The following LHCGR variants were observed in gnomAD, a reference collection of about 807,000 sequenced individuals.
LHCGR encodes lutropin-choriogonadotropic hormone receptor.
Under a neutral mutation model 60.7 loss-of-function variants are expected in LHCGR, and 55 were observed. The observed-to-expected ratio is 0.91, with a 90% CI of 0.73 to 1.13. LHCGR has a LOEUF of 1.13. Ranked by LOEUF, LHCGR falls within the 50% of genes most tolerant of loss-of-function variation. The pLI is 0.00. For missense variants in LHCGR, 862 were observed against 836.0 expected (o/e 1.03, Z -0.38); for synonymous variants, 337 against 316.5 (o/e 1.06, Z -0.69).
chr2:48,708,548 CCA>C (rs5831001), intron 8 of LHCGR, among the ~76,000 whole-genome samples: 16,376 of 150,244 alleles, frequency 0.11, 1,085 homozygotes, highest in East Asian at 0.25. Flanking sequence ...AGATACCCAC[CCA>C]CACACACACA....
chr2:48,728,690 C>A (rs778428269), intron 3 of LHCGR, among the ~76,000 whole-genome samples: 2 of 152,112 alleles, frequency 1.3e-5, no homozygotes, highest in African/African-American at 2.4e-5. Context: ...ACAATAACAA[C>A]AACAAAACCC....
Position 48,721,304 on chromosome 2 carries a change from C to A in LHCGR, c.536+2152G>T, listed in dbSNP as rs113671233. ...CATGATGAATGAGTAGTTCCAGATC[C>A]ATTATGCAATGGTGAGTTGAAAACA... On this transcript the variant is annotated intron_variant, in intron 6 of 10. Coordinates refer to ENST00000294954, the MANE Select transcript of LHCGR (RefSeq NM_000233.4). 187 of 166,964 alleles carry A rather than the reference C, an allele frequency of 1.1e-3. 2 individuals are homozygous for A. Among genetic ancestry groups the A allele is most frequent in the African/African-American group, 4.4e-3 (185 of 41,946 alleles). 10.3% of individuals were successfully genotyped at this position (166,964 alleles called of 1,614,324 possible).
chr2:48,737,477 T>C (rs1358384655), intron 1 of LHCGR, among the ~76,000 whole-genome samples: 1 of 152,264 alleles, frequency 6.6e-6, no homozygotes, highest in South Asian at 2.1e-4. Context: ...AAGTTCTGTG[T>C]TCTTTTCAAA....
At chr2:48,734,849 A>G (rs1003928510) in intron 1 of LHCGR, among the ~76,000 whole-genome samples, 4 of 152,220 alleles carry the variant, frequency 2.6e-5, no homozygotes, top group Non-Finnish European at 5.9e-5. Flanking sequence ...AGGGTGATAC[A>G]CCACAACTAT....
intron 6 of LHCGR, chr2:48,721,519 A>G (rs1668494537): frequency 3.1e-6 from 1 of 320,714 alleles, no homozygotes; most frequent in South Asian, 2.8e-5. Context: ...TTAATCTGAG[A>G]TGAAGCTACA....
At chr2:48,741,950 T>C (rs1031558591) in intron 1 of LHCGR, among the ~76,000 whole-genome samples, 1 of 152,082 alleles carries the variant, frequency 6.6e-6, no homozygotes, top group African/African-American at 2.4e-5. Context: ...GAAACCCATG[T>C]CACGTGCAGA....
At chr2:48,708,086 A>C (rs1667784732) in intron 8 of LHCGR, among the ~76,000 whole-genome samples, 1 of 152,196 alleles carries the variant, frequency 6.6e-6, no homozygotes, top group African/African-American at 2.4e-5. Flanking sequence ...TTGGAAATGC[A>C]GAAATCACCC....
At chr2:48,706,977 G>T (rs1572840731) in intron 8 of LHCGR, among the ~76,000 whole-genome samples, 3 of 152,232 alleles carry the variant, frequency 2.0e-5, no homozygotes, top group African/African-American at 7.2e-5. Context: ...CGATGTTCTG[G>T]TTTTTGGAAT....
chr2:48,734,318 C>G (rs920556039), intron 1 of LHCGR, among the ~76,000 whole-genome samples: 4 of 152,176 alleles, frequency 2.6e-5, no homozygotes, highest in African/African-American at 9.7e-5. Context: ...AGACATTAAC[C>G]TCCTCCTGCA....
At chr2:48,701,671 T>G (rs1558824557) in intron 8 of LHCGR, among the ~76,000 whole-genome samples, 1 of 152,130 alleles carries the variant, frequency 6.6e-6, no homozygotes, top group Non-Finnish European at 1.5e-5. Flanking sequence ...TTTGGACAAC[T>G]ACATATTTTA....
chr2:48,717,833 C>CTTTTTTTTTTT (rs10711529), intron 6 of LHCGR, among the ~76,000 whole-genome samples: 1 of 68,976 alleles, frequency 1.4e-5, no homozygotes, highest in Non-Finnish European at 2.7e-5. Context: ...TTTTCCATGT[C>CTTTTTTTTTTT]TTTTTTTTTT....
intron 1 of LHCGR, among the ~76,000 whole-genome samples, chr2:48,742,649 A>T (rs532766438): frequency 3.1e-4 from 47 of 152,100 alleles, no homozygotes; most frequent in Non-Finnish European, 5.6e-4. Flanking sequence ...ACCAACGAGA[A>T]CAAAGACACA....
chr2:48,726,803 T>C, intron 3 of LHCGR, among the ~76,000 whole-genome samples: 1 of 152,324 alleles, frequency 6.6e-6, no homozygotes, highest in East Asian at 1.9e-4. Context: ...GAGGAATAAA[T>C]ATATGTGTCT....
chr2:48,752,419 C>G (rs1350183354), intron 1 of LHCGR, among the ~76,000 whole-genome samples: 1 of 152,180 alleles, frequency 6.6e-6, no homozygotes, highest in African/African-American at 2.4e-5. Flanking sequence ...CTCCTCCAAC[C>G]CTGAGAACTT....
chr2:48,717,672 C>A (rs1332244019), intron 6 of LHCGR, among the ~76,000 whole-genome samples: 4 of 151,950 alleles, frequency 2.6e-5, no homozygotes, highest in Non-Finnish European at 5.9e-5. Flanking sequence ...ATTGCACTAT[C>A]ATCCTTCTCC....
At chr2:48,689,124 CACATATAT>C (rs1680070982) in intron 10 of LHCGR, among the ~76,000 whole-genome samples, 1 of 150,896 alleles carries the variant, frequency 6.6e-6, no homozygotes, top group Non-Finnish European at 1.5e-5. Context: ...TACATATATA[CACATATAT>C]ACATATGTAC....
chr2:48,729,101 C>G (rs1007267516), intron 3 of LHCGR, 52 bp downstream of exon 3: 1 of 1,351,508 alleles, frequency 7.4e-7, no homozygotes, highest in Admixed American at 1.7e-5. Flanking sequence ...TGGGCTCCAG[C>G]CAGTGAGGGT....
At chr2:48,741,981 A>G (rs1190613668) in intron 1 of LHCGR, among the ~76,000 whole-genome samples, 1 of 152,218 alleles carries the variant, frequency 6.6e-6, no homozygotes, top group Non-Finnish European at 1.5e-5. Context: ...GGTTCAAAAT[A>G]AATGGATGGA....
chr2:48,720,025 G>A (rs1668432042), intron 6 of LHCGR: 1 of 152,184 alleles, frequency 6.6e-6, no homozygotes, highest in Admixed American at 6.5e-5. Context: ...TGAGAAGGGG[G>A]ATGGAACTAC....
Sources: allele counts gnomAD v4.1 joint callset (sites outside exome capture counted in the v4.1 genomes callset), GRCh38; gene constraint gnomAD v4.1.1; transcripts MANE v1.5; gene names NCBI Gene and HGNC (gene_info 2026-07-23, HGNC 2026-07-21).